The following SERPINA6 variants were observed in gnomAD, a reference collection of about 807,000 sequenced individuals.
SERPINA6 encodes corticosteroid-binding globulin.
A neutral mutation model predicts 26.4 loss-of-function variants in SERPINA6; 19 were observed. The observed-to-expected ratio is 0.72, with a 90% confidence interval of 0.50 to 1.06. SERPINA6 has a LOEUF of 1.06. SERPINA6 is among the 50% of genes least tolerant of loss of function. SERPINA6 has a pLI of 0.00. For missense variants in SERPINA6, 473 were observed against 504.0 expected (o/e 0.94, Z 0.59); for synonymous variants, 196 against 199.4 (o/e 0.98, Z 0.14).
chr14:94,320,545 G>C (rs1347644440), intron 1 of SERPINA6, among the ~76,000 whole-genome samples: 1 of 152,034 alleles, frequency 6.6e-6, no homozygotes, highest in Admixed American at 6.6e-5. Context: ...ACTGGTTTAG[G>C]GTGCTGTGTG....
intron 3 of SERPINA6, 89 bp downstream of exon 3, chr14:94,309,647 A>T: frequency 1.4e-6 from 2 of 1,476,966 alleles, no homozygotes; most frequent in South Asian, 2.3e-5. Flanking sequence ...CAGGGAAGGA[A>T]GGATGCCCCA....
intron 2 of SERPINA6, among the ~76,000 whole-genome samples, chr14:94,311,354 A>G (rs1372366051): frequency 6.6e-6 from 1 of 152,214 alleles, no homozygotes; most frequent in Non-Finnish European, 1.5e-5. Context: ...AGTGGGTAAA[A>G]TATTTTTCAT....
intron 2 of SERPINA6, among the ~76,000 whole-genome samples, chr14:94,312,622 G>C (rs1025482466): frequency 6.6e-6 from 1 of 152,246 alleles, no homozygotes; most frequent in African/African-American, 2.4e-5. Flanking sequence ...GTGTTAGGAA[G>C]GCTGCCTTTG....
chr14:94,322,550 A>G (rs1895698336), intron 1 of SERPINA6, among the ~76,000 whole-genome samples: 1 of 152,220 alleles, frequency 6.6e-6, no homozygotes, highest in Non-Finnish European at 1.5e-5. Context: ...GTACCCAGCC[A>G]TATAAAAATG....
At chr14:94,322,330 G>A (rs1411235010) in intron 1 of SERPINA6, among the ~76,000 whole-genome samples, 3 of 152,126 alleles carry the variant, frequency 2.0e-5, no homozygotes. Flanking sequence ...CTAACATGGC[G>A]AAACCCATTT....
chr14:94,307,023 C>G (rs911213248), intron 3 of SERPINA6, among the ~76,000 whole-genome samples: 1 of 152,120 alleles, frequency 6.6e-6, no homozygotes, highest in African/African-American at 2.4e-5. Flanking sequence ...GCAAAAGCAG[C>G]CCTGAGTGAG....
At chr14:94,322,603 C>G (rs746886723) in intron 1 of SERPINA6, among the ~76,000 whole-genome samples, 7 of 152,228 alleles carry the variant, frequency 4.6e-5, no homozygotes, top group African/African-American at 7.2e-5. Context: ...CAAGTATGCC[C>G]TCTTTGTTCC....
At chr14:94,309,570 A>G (rs553809096) in intron 3 of SERPINA6, among the ~76,000 whole-genome samples, 166 bp downstream of exon 3, 116 of 152,316 alleles carry the variant, frequency 7.6e-4, no homozygotes, top group African/African-American at 2.6e-3. Flanking sequence ...CGTGAGCTCT[A>G]GATTAGGGAA....
Position 94,315,428 on chromosome 14 carries a change from A to C in SERPINA6, c.-19-761T>G, listed in dbSNP as rs944914136. ...AATTTATTTTCTCTATTGTTTTTCT[A>C]TTCTTGATTTTATTTATCTCTGCTC... On this transcript the variant is annotated intron_variant, in intron 1 of 4. Transcript: ENST00000341584. Among the ~76,000 whole-genome samples the C allele has an allele frequency of 6.6e-5, 10 of 152,270 alleles. 1 individual carries two copies. In the South Asian group the frequency reaches 2.1e-3, roughly 32 times the overall value.
chr14:94,313,393 T>C (rs1233618521), intron 2 of SERPINA6, among the ~76,000 whole-genome samples: 1 of 152,200 alleles, frequency 6.6e-6, no homozygotes, highest in African/African-American at 2.4e-5. Flanking sequence ...AGGTGGGCCA[T>C]TATCCAGTGT....
In SERPINA6 at chr14:94,304,757, C is replaced by G. The variant is rs188439677; in HGVS notation, c.1033-154G>C. Among the ~76,000 whole-genome samples, 570 of 152,268 alleles carry G rather than the reference C, an allele frequency of 3.7e-3. 3 individuals carry two copies. The highest frequency in any genetic ancestry group is 6.1e-3 in the Non-Finnish European group (414 of 68,014). ...TGGATTCTTATCCAAGTGGCAGCCC[C>G]AGGATTACACAGCCCAAGTCTGTCC... On this transcript the variant is annotated intron_variant, in intron 4 of 4. Coordinates refer to ENST00000341584, the MANE Select transcript of SERPINA6 (RefSeq NM_001756.4).
chr14:94,304,719 G>A (rs1566725320), intron 4 of SERPINA6, 116 bp from the exon 5 acceptor site: 1 of 852,000 alleles, frequency 1.2e-6, no homozygotes, highest in East Asian at 2.7e-5. Flanking sequence ...CAGGGTCAGA[G>A]AAGGTCACTT....
At chr14:94,321,738 G>A (rs1895686647) in intron 1 of SERPINA6, among the ~76,000 whole-genome samples, 1 of 152,136 alleles carries the variant, frequency 6.6e-6, no homozygotes, top group African/African-American at 2.4e-5. Flanking sequence ...CAGGTCCCAG[G>A]TCACCGCCTC....
intron 1 of SERPINA6, among the ~76,000 whole-genome samples, chr14:94,321,940 C>T (rs1477358184): frequency 2.0e-5 from 3 of 152,212 alleles, no homozygotes; most frequent in African/African-American, 4.8e-5. Context: ...CCTTCTCCTG[C>T]GTTAATTCTC....
chr14:94,305,049 A>G (rs1180236756), intron 4 of SERPINA6, among the ~76,000 whole-genome samples: 1 of 152,192 alleles, frequency 6.6e-6, no homozygotes, highest in Non-Finnish European at 1.5e-5. Context: ...GACTGTTGAT[A>G]TGTCCTTGTT....
chr14:94,315,993 A>T lies in SERPINA6; in HGVS notation c.-19-1326T>A, dbSNP rs114958014. On this transcript the variant is annotated intron_variant, in intron 1 of 4. Transcript: ENST00000341584. ...TTTATTTGAGATCTTCTTGTTTTTA[A>T]TGTGTTTACAGCTTTACATTTCTAT... is the stretch of plus-strand genomic sequence containing the variant. Among the ~76,000 whole-genome samples, 504 of 152,216 alleles carry T rather than the reference A, an allele frequency of 3.3e-3. 1 individual carries two copies. Among genetic ancestry groups the T allele is most frequent in the African/African-American group, 0.012 (482 of 41,526 alleles).
intron 1 of SERPINA6, among the ~76,000 whole-genome samples, chr14:94,315,092 CT>C (rs1169089105): frequency 6.6e-6 from 1 of 152,110 alleles, no homozygotes; most frequent in East Asian, 1.9e-4. Context: ...GCTGAGTAAG[CT>C]TTTTTCCACA....
chr14:94,309,861 C>T lies in SERPINA6; in HGVS notation c.759G>A (p.Val253=), dbSNP rs772970200. The change falls in exon 3 of 5, where the codon GTG becomes GTA. Residue 253 remains valine, a synonymous_variant. Coordinates refer to ENST00000341584, the MANE Select transcript of SERPINA6 (RefSeq NM_001756.4). ...TCCCATTGCCCACGTAGTTCATCTG[C>T]ACCAGCTGGCAGGGGAGCTCCGAGT... ...LHDSELPCQL[V]QMNYVGNGTV... 1.2e-6 allele frequency: 2 copies of T among 1,614,090 alleles called. No homozygotes were observed. Among genetic ancestry groups the T allele is most frequent in the Admixed American group, 1.7e-5 (1 of 60,006 alleles).
At chr14:94,323,053 AG>A (rs1205803786) in intron 1 of SERPINA6, among the ~76,000 whole-genome samples, 1 of 152,204 alleles carries the variant, frequency 6.6e-6, no homozygotes, top group African/African-American at 2.4e-5. Flanking sequence ...GCAGGAACCC[AG>A]GGGACATCGG....
Sources: gnomAD v4.1 joint callset for allele counts (sites outside exome capture counted in the v4.1 genomes callset) on GRCh38, gnomAD v4.1.1 for gene constraint, MANE v1.5 for transcripts, NCBI Gene and HGNC (gene_info 2026-07-23, HGNC 2026-07-21) for gene names.